The following ST8SIA1 variants were observed in gnomAD, a reference collection of about 807,000 sequenced individuals.
The protein encoded by ST8SIA1 is alpha-N-acetylneuraminide alpha-2,8-sialyltransferase.
In ST8SIA1, 16 loss-of-function variants were observed where a neutral mutation model predicts 35.9. The observed-to-expected ratio is 0.45, with a 90% confidence interval of 0.30 to 0.68. The LOEUF (loss-of-function observed/expected upper bound fraction) is 0.68, where lower values mean the gene tolerates loss of function less well. Ranked by LOEUF, ST8SIA1 falls within the 30% of genes least tolerant of loss-of-function variation. ST8SIA1 has a pLI of 0.09. For synonymous variants in ST8SIA1, 170 were observed against 169.6 expected, an observed-to-expected ratio of 1.00 and a Z score of -0.02; for missense variants, 383 against 453.6, an observed-to-expected ratio of 0.84 and a Z score of 1.41.
intron 4 of ST8SIA1, among the ~76,000 whole-genome samples, chr12:22,247,579 C>T (rs1273282639): frequency 6.6e-6 from 1 of 151,914 alleles, no homozygotes; most frequent in Non-Finnish European, 1.5e-5. Flanking sequence ...AAAATAAATA[C>T]ATTTACATGG....
rs1290464362 is a variant in ST8SIA1 at position 22,247,788 on chromosome 12, G to GA, written c.584+1217dup. On this transcript the variant is annotated intron_variant, in intron 4 of 4. Coordinates refer to ENST00000396037, the MANE Select transcript of ST8SIA1 (RefSeq NM_003034.4). ...ATAGAATATAAATTAAAATATATGT[G>GA]ACAGGCTAGAATAAAATATTTGATA... 2.0e-5 allele frequency among the ~76,000 whole-genome samples: 3 copies of GA among 151,962 alleles called. No individual in the cohort carries two copies. In the East Asian group the frequency reaches 5.8e-4, roughly 29 times the overall value.
At position 22,334,102 on chromosome 12, in the gene ST8SIA1, T is replaced by C; in HGVS notation, c.131A>G (p.Tyr44Cys). The change falls in exon 1 of 5, where the codon TAC (tyrosine) becomes TGC (cysteine). Residue 44 changes from tyrosine to cysteine, a missense_variant. Physicochemically the swap from Tyr to Cys is radical, Grantham distance 194. Coordinates refer to ENST00000396037, the MANE Select transcript of ST8SIA1 (RefSeq NM_003034.4). Reference protein sequence around the residue: ...ALCVVVLCWLYIFPVYRLPNE... With the variant: ...ALCVVVLCWLCIFPVYRLPNE... ...GGGCAGCCGGTAGACGGGGAAGATG[T>C]AGAGCCAACAGAGGACCACGACACA... The C allele has an allele frequency of 1.2e-6, 2 of 1,613,828 alleles. No homozygotes were observed. The highest frequency in any genetic ancestry group is 1.7e-6 in the Non-Finnish European group (2 of 1,179,960).
intron 4 of ST8SIA1, among the ~76,000 whole-genome samples, chr12:22,247,581 T>C (rs1325809993): frequency 6.6e-6 from 1 of 152,092 alleles, no homozygotes; most frequent in East Asian, 1.9e-4. Flanking sequence ...AATAAATACA[T>C]TTACATGGAT....
chr12:22,203,138 G>A (rs1305657635), intron 4 of ST8SIA1, among the ~76,000 whole-genome samples: 1 of 152,076 alleles, frequency 6.6e-6, no homozygotes, highest in African/African-American at 2.4e-5. Context: ...GAAGGAAGAG[G>A]CTGGTAGCCT....
chr12:22,285,490 G>A (rs4762901), intron 2 of ST8SIA1, among the ~76,000 whole-genome samples: 90,848 of 152,046 alleles, frequency 0.6, 28,351 homozygotes, highest in African/African-American at 0.77. Context: ...ATACAATTCT[G>A]CTTTTCATGC....
chr12:22,244,941 C>T (rs1483549108), intron 4 of ST8SIA1, among the ~76,000 whole-genome samples: 1 of 152,006 alleles, frequency 6.6e-6, no homozygotes, highest in Non-Finnish European at 1.5e-5. Context: ...GTCATATATA[C>T]TGGTTTATAT....
At chr12:22,279,225 T>C (rs1360208759) in intron 2 of ST8SIA1, among the ~76,000 whole-genome samples, 2 of 152,222 alleles carry the variant, frequency 1.3e-5, no homozygotes, top group African/African-American at 2.4e-5. Context: ...CCTGAAGCTA[T>C]GGGAATCACT....
intron 4 of ST8SIA1, among the ~76,000 whole-genome samples, chr12:22,225,599 A>G (rs542946272): frequency 2.0e-5 from 3 of 152,328 alleles, no homozygotes; most frequent in East Asian, 1.9e-4. Context: ...TTTAAGCTCA[A>G]TAGCCACCAA....
chr12:22,249,160 T>C (rs1865636838), intron 3 of ST8SIA1, 62 bp from the exon 4 acceptor site: 16 of 1,045,500 alleles, frequency 1.5e-5, no homozygotes, highest in Non-Finnish European at 2.3e-5. Flanking sequence ...TCAGTTAGAA[T>C]AATACAAATA....
At chr12:22,330,321 G>T (rs1866745596) in intron 1 of ST8SIA1, among the ~76,000 whole-genome samples, 1 of 152,144 alleles carries the variant, frequency 6.6e-6, no homozygotes, top group Non-Finnish European at 1.5e-5. Flanking sequence ...AGAGCTATGT[G>T]GCAAGCATCA....
intron 4 of ST8SIA1, among the ~76,000 whole-genome samples, chr12:22,207,601 C>G (rs111884631): frequency 5.3e-5 from 8 of 152,120 alleles, no homozygotes; most frequent in African/African-American, 1.9e-4. Flanking sequence ...GTTAATTTTT[C>G]CACGTATGTG....
At chr12:22,317,300 A>C (rs1459544636) in intron 1 of ST8SIA1, among the ~76,000 whole-genome samples, 1 of 152,228 alleles carries the variant, frequency 6.6e-6, no homozygotes, top group Non-Finnish European at 1.5e-5. Context: ...TTTTTTATTT[A>C]ATAAATGTGG....
At chr12:22,246,539 A>C (rs987194344) in intron 4 of ST8SIA1, among the ~76,000 whole-genome samples, 1 of 152,182 alleles carries the variant, frequency 6.6e-6, no homozygotes, top group African/African-American at 2.4e-5. Context: ...GGCCTTATGC[A>C]GCTTCAGGGT....
chr12:22,204,810 A>G (rs1296978351), intron 4 of ST8SIA1, among the ~76,000 whole-genome samples: 1 of 152,204 alleles, frequency 6.6e-6, no homozygotes, highest in South Asian at 2.1e-4. Context: ...ATTCAATTCA[A>G]TAATTGTTAT....
At chr12:22,284,191 G>A (rs530993467) in intron 2 of ST8SIA1, among the ~76,000 whole-genome samples, 2 of 152,240 alleles carry the variant, frequency 1.3e-5, no homozygotes, top group South Asian at 4.1e-4. Flanking sequence ...ACAAAAGTAG[G>A]CAAACGAATA....
At chr12:22,310,490 C>T (rs570108441) in intron 1 of ST8SIA1, among the ~76,000 whole-genome samples, 4 of 152,210 alleles carry the variant, frequency 2.6e-5, no homozygotes, top group Admixed American at 1.3e-4. Flanking sequence ...GGAAAATGCT[C>T]AATACAGTAA....
At chr12:22,289,527 C>G (rs1285669220) in intron 1 of ST8SIA1, among the ~76,000 whole-genome samples, 1 of 152,146 alleles carries the variant, frequency 6.6e-6, no homozygotes, top group Non-Finnish European at 1.5e-5. Flanking sequence ...ACACCAGGTG[C>G]CTTCATAGGT....
At chr12:22,316,035 C>T (rs974014704) in intron 1 of ST8SIA1, among the ~76,000 whole-genome samples, 1 of 151,902 alleles carries the variant, frequency 6.6e-6, no homozygotes, top group Non-Finnish European at 1.5e-5. Flanking sequence ...AAACTAAATA[C>T]TCTGTTTAGG....
intron 2 of ST8SIA1, among the ~76,000 whole-genome samples, chr12:22,273,118 A>G (rs1865930956): frequency 6.6e-6 from 1 of 152,152 alleles, no homozygotes. Flanking sequence ...ACAAATGCCT[A>G]GATAGACACG....
Sources: gnomAD v4.1 joint callset for allele counts (sites outside exome capture counted in the v4.1 genomes callset) on GRCh38, gnomAD v4.1.1 for gene constraint, MANE v1.5 for transcripts, NCBI Gene and HGNC (gene_info 2026-07-23, HGNC 2026-07-21) for gene names.